Variants in KAZN observed in about 807,000 individuals in gnomAD.
The protein encoded by KAZN is kazrin.
KAZN carries 40 observed loss-of-function variants against 87.4 expected under a neutral mutation model. The ratio of observed to expected loss-of-function variants is 0.46; its 90% CI spans 0.36 to 0.60. The LOEUF (loss-of-function observed/expected upper bound fraction) is 0.60, where lower values mean the gene tolerates loss of function less well. Among genes scored for constraint, KAZN ranks in the 20% least tolerant of loss-of-function variants. The pLI is 0.00. For missense variants in KAZN, 898 were observed against 1,073.9 expected, an observed-to-expected ratio of 0.84 and a Z score of 2.29; for synonymous variants, 466 against 458.3, an observed-to-expected ratio of 1.02 and a Z score of -0.22.
chr1:14,683,239 G>A (rs150033406), intron 1 of KAZN, among the ~76,000 whole-genome samples: 6 of 152,224 alleles, frequency 3.9e-5, no homozygotes, highest in East Asian at 1.9e-4. Context: ...GTGCTGAGTC[G>A]CTCCAGAAGT....
chr1:14,921,780 C>T (rs540520717), intron 1 of KAZN, among the ~76,000 whole-genome samples: 133 of 152,324 alleles, frequency 8.7e-4, no homozygotes, highest in African/African-American at 2.9e-3. Context: ...GGCACAATCT[C>T]GGCTATCTGC....
chr1:14,135,566 G>A (rs370115560), intron 1 of KAZN, among the ~76,000 whole-genome samples: 2 of 152,132 alleles, frequency 1.3e-5, no homozygotes, highest in Non-Finnish European at 1.5e-5. Flanking sequence ...CAAGTATCTC[G>A]AACGGCAAAG....
chr1:14,419,803 C>T lies in KAZN; in HGVS notation c.250-179180C>T, dbSNP rs186810815. Among the ~76,000 whole-genome samples, 26 of 151,868 alleles carry T rather than the reference C, an allele frequency of 1.7e-4. 1 individual carries two copies. The East Asian group carries it at 4.1e-3, about 24-fold the overall frequency. On this transcript the variant is annotated intron_variant, in intron 2 of 16. Coordinates refer to the KAZN transcript ENST00000636203. ...CCCATCCGGAGTTGTTCATTCCTCCCGGTGGGTTCGGGGTCTCGCTGGTCT... is the reference window on the plus strand; with the variant it reads ...CCCATCCGGAGTTGTTCATTCCTCCTGGTGGGTTCGGGGTCTCGCTGGTCT...
At chr1:14,489,125 T>C (rs1669507362) in intron 2 of KAZN, among the ~76,000 whole-genome samples, 2 of 152,308 alleles carry the variant, frequency 1.3e-5, no homozygotes, top group South Asian at 4.1e-4. Flanking sequence ...TTTTTAAAAA[T>C]AATCTTGGGG....
At chr1:14,778,811 G>A (rs1233656421) in intron 1 of KAZN, among the ~76,000 whole-genome samples, 1 of 152,132 alleles carries the variant, frequency 6.6e-6, no homozygotes, top group East Asian at 1.9e-4. Flanking sequence ...TGTAAGTCAA[G>A]AATTCTGGTA....
chr1:14,534,241 C>T (rs889218459), intron 2 of KAZN, among the ~76,000 whole-genome samples: 5 of 152,190 alleles, frequency 3.3e-5, no homozygotes, highest in African/African-American at 1.2e-4. Flanking sequence ...TCCAACAGGC[C>T]ATTTCCAATT....
chr1:14,165,413 G>A (rs1486053606), intron 1 of KAZN, among the ~76,000 whole-genome samples: 5 of 151,948 alleles, frequency 3.3e-5, no homozygotes, highest in African/African-American at 1.2e-4. Flanking sequence ...CCTTTTCCAC[G>A]TTTGGGCTCT....
intron 1 of KAZN, among the ~76,000 whole-genome samples, chr1:13,975,268 C>G (rs116094950): frequency 0.013 from 2,020 of 152,234 alleles, 42 homozygotes; most frequent in African/African-American, 0.045. Context: ...CCTGGGGAGG[C>G]CTTTGATTGT....
At chr1:14,699,451 T>A (rs113120441) in intron 1 of KAZN, among the ~76,000 whole-genome samples, 278 of 152,336 alleles carry the variant, frequency 1.8e-3, no homozygotes, top group African/African-American at 6.5e-3. Flanking sequence ...GGCTAGGCGC[T>A]GGGAATACGA....
intron 1 of KAZN, among the ~76,000 whole-genome samples, chr1:14,714,275 C>T (rs947901791): frequency 1.3e-5 from 2 of 152,162 alleles, no homozygotes; most frequent in African/African-American, 4.8e-5. Context: ...CAAGAGGCAT[C>T]TGATGATACC....
rs541529935 is a variant in KAZN at position 15,098,707 on chromosome 1, C to A, written c.1548-2836C>A. Among the ~76,000 whole-genome samples the A allele has an allele frequency of 7.9e-5, 12 of 152,342 alleles. No individual in the cohort carries two copies. The East Asian group carries it at 2.3e-3, about 29-fold the overall frequency. ...GACTGGGAGGGGGACTGCCCCAGGACCTTTTCATCCTAGAAGGGAGGTTGT... is the reference window on the plus strand; with the variant it reads ...GACTGGGAGGGGGACTGCCCCAGGAACTTTTCATCCTAGAAGGGAGGTTGT... On this transcript the variant is annotated intron_variant, in intron 10 of 14. Transcript: ENST00000376030.
At chr1:14,002,453 C>T (rs1437203315) in intron 1 of KAZN, among the ~76,000 whole-genome samples, 1 of 152,236 alleles carries the variant, frequency 6.6e-6, no homozygotes, top group East Asian at 1.9e-4. Context: ...GCTTTTGCTT[C>T]TTCCTCATTT....
chr1:14,736,465 A>ATTTTT (rs756285598), intron 1 of KAZN, among the ~76,000 whole-genome samples: 1 of 108,040 alleles, frequency 9.3e-6, no homozygotes, highest in African/African-American at 3.8e-5. Context: ...CACCCAGCTA[A>ATTTTT]TTTTTTTTTT....
chr1:14,832,196 CAA>C (rs559013790), intron 1 of KAZN, among the ~76,000 whole-genome samples: 29 of 120,822 alleles, frequency 2.4e-4, no homozygotes, highest in African/African-American at 2.0e-4. Context: ...AACTCCATCT[CAA>C]AAAAAAAAAA....
chr1:14,097,743 A>G (rs969587962), intron 1 of KAZN, among the ~76,000 whole-genome samples: 3 of 152,178 alleles, frequency 2.0e-5, no homozygotes, highest in East Asian at 1.9e-4. Context: ...AGTTAGCTCA[A>G]TCTGGCTCTC....
At chr1:14,741,611 C>T (rs1256210418) in intron 1 of KAZN, among the ~76,000 whole-genome samples, 1 of 152,112 alleles carries the variant, frequency 6.6e-6, no homozygotes. Context: ...TTATTTTTCT[C>T]TTACATGAGG....
chr1:14,066,188 A>C (rs189555084), intron 1 of KAZN, among the ~76,000 whole-genome samples: 4 of 152,324 alleles, frequency 2.6e-5, no homozygotes, highest in Admixed American at 2.0e-4. Context: ...GTAGTATTCT[A>C]TGATGTATAT....
chr1:14,325,574 A>G (rs1213600248), intron 2 of KAZN, among the ~76,000 whole-genome samples: 1 of 152,192 alleles, frequency 6.6e-6, no homozygotes, highest in African/African-American at 2.4e-5. Flanking sequence ...AATATTCAAA[A>G]AAATGGTCAA....
chr1:14,554,859 G>A (rs548572487), intron 2 of KAZN, among the ~76,000 whole-genome samples: 16 of 152,088 alleles, frequency 1.1e-4, no homozygotes, highest in Non-Finnish European at 2.1e-4. Flanking sequence ...TTCACACACC[G>A]ACGTCGAGTC....
Sources: allele counts gnomAD v4.1 joint callset (sites outside exome capture counted in the v4.1 genomes callset), GRCh38; gene constraint gnomAD v4.1.1; transcripts MANE v1.5; gene names NCBI Gene and HGNC (gene_info 2026-07-23, HGNC 2026-07-21).